The following DCAF16 variants were observed in gnomAD, a reference collection of about 807,000 sequenced individuals.
DCAF16 encodes DDB1- and CUL4-associated factor 16.
In DCAF16, 10 loss-of-function variants were observed where a neutral mutation model predicts 17.3. The observed-to-expected ratio is 0.58, with a 90% confidence interval of 0.36 to 0.98. The LOEUF (loss-of-function observed/expected upper bound fraction) is 0.98, where lower values mean the gene tolerates loss of function less well. Among genes scored for constraint, DCAF16 ranks in the 50% least tolerant of loss-of-function variants. DCAF16 has a pLI of 0.01. For synonymous variants in DCAF16, 111 were observed against 92.8 expected, an observed-to-expected ratio of 1.20 and a Z score of -1.12; for missense variants, 249 against 247.6, an observed-to-expected ratio of 1.01 and a Z score of -0.04.
downstream of DCAF16, among the ~76,000 whole-genome samples, chr4:17,795,826 T>C (rs962815553): frequency 1.3e-5 from 2 of 152,208 alleles, no homozygotes; most frequent in Non-Finnish European, 2.9e-5. Flanking sequence ...GAAAGCTGTA[T>C]ATGAAGGAGC....
rs1719788045 is a variant in DCAF16, at chr4:17,801,557, T to C, written c.*1934A>G. On this transcript the variant is annotated 3_prime_UTR_variant, in exon 3 of 3. Transcript: ENST00000382247. ...AATCTCTTTTCTGATTCCCTTTAGATGCCCAGTCAACCAGGACCACACACA... is the reference window on the plus strand; with the variant it reads ...AATCTCTTTTCTGATTCCCTTTAGACGCCCAGTCAACCAGGACCACACACA... The C allele has an allele frequency of 6.6e-6, 1 of 152,224 alleles. No homozygotes were observed. Among genetic ancestry groups the C allele is most frequent in the Non-Finnish European group, 1.5e-5 (1 of 68,030 alleles). The allele number at this position is 152,224 out of a possible 1,614,324, so 9.4% of individuals were successfully genotyped here.
chr4:17,798,606 A>AAAT (rs1009209118), downstream of DCAF16, among the ~76,000 whole-genome samples: 3 of 151,976 alleles, frequency 2.0e-5, no homozygotes, highest in Admixed American at 6.6e-5. Context: ...AAAAATAAAA[A>AAAT]AATAATAATA....
At position 17,803,286 on chromosome 4, in the gene DCAF16, A is replaced by G; in HGVS notation, c.*205T>C. On this transcript the variant is annotated 3_prime_UTR_variant, in exon 3 of 3. Coordinates refer to ENST00000382247, the MANE Select transcript of DCAF16 (RefSeq NM_017741.4). Reference sequence around the variant, plus strand: ...CAGATCCACCCGCCTCAGCCTCCCAAAGTGCTGGGATTACAGGTGTGAGCC... The same window carrying G: ...CAGATCCACCCGCCTCAGCCTCCCAGAGTGCTGGGATTACAGGTGTGAGCC... 1.8e-6 allele frequency: 1 copy of G among 558,876 alleles called. No individual in the cohort carries two copies. The highest frequency in any genetic ancestry group is 3.2e-6 in the Non-Finnish European group (1 of 315,764). 34.6% of individuals were successfully genotyped at this position (558,876 alleles called of 1,614,324 possible).
At chr4:17,806,166 G>A (rs1020743165) in intron 1 of DCAF16, among the ~76,000 whole-genome samples, 1 of 152,136 alleles carries the variant, frequency 6.6e-6, no homozygotes, top group African/African-American at 2.4e-5. Flanking sequence ...AACTATTAGA[G>A]TTCAACAATG....
downstream of DCAF16, among the ~76,000 whole-genome samples, chr4:17,797,958 T>C (rs1013501533): frequency 1.3e-5 from 2 of 152,206 alleles, no homozygotes; most frequent in Admixed American, 6.5e-5. Flanking sequence ...AATAAAACTA[T>C]AGTACCAGCT....
At chr4:17,808,872 T>A (rs563821098) in intron 1 of DCAF16, among the ~76,000 whole-genome samples, 1 of 152,030 alleles carries the variant, frequency 6.6e-6, no homozygotes, top group Non-Finnish European at 1.5e-5. Flanking sequence ...CTATTAAGAA[T>A]ACAAAAGATT....
In DCAF16 at chr4:17,804,352, G is replaced by C; in HGVS notation, c.-211C>G. On this transcript the variant is annotated 5_prime_UTR_variant, in exon 3 of 3. Coordinates refer to ENST00000382247, the MANE Select transcript of DCAF16 (RefSeq NM_017741.4). Reference sequence around the variant, plus strand: ...TTGTATATTCTTCACTTACAAAGAAGACATCTCAGTTTCCAGGACCAGTTC... The same window carrying C: ...TTGTATATTCTTCACTTACAAAGAACACATCTCAGTTTCCAGGACCAGTTC... The C allele has an allele frequency of 1.7e-6, 1 of 578,840 alleles. No individual in the cohort carries two copies. The highest frequency in any genetic ancestry group is 3.1e-6 in the Non-Finnish European group (1 of 318,456). The allele number at this position is 578,840 out of a possible 1,614,324, so 35.9% of individuals were successfully genotyped here. A position where few individuals can be genotyped will look rare whatever the true frequency, so the allele number is the denominator to read the frequency against.
At chr4:17,799,029 T>A (rs1041816774), downstream of DCAF16, among the ~76,000 whole-genome samples, 3 of 152,240 alleles carry the variant, frequency 2.0e-5, no homozygotes, top group African/African-American at 7.2e-5. Flanking sequence ...AAGTTATCCA[T>A]ACTTCTCAGG....
downstream of DCAF16, among the ~76,000 whole-genome samples, chr4:17,795,815 T>C (rs1262231704): frequency 1.3e-5 from 2 of 152,234 alleles, no homozygotes; most frequent in African/African-American, 4.8e-5. Context: ...TCCAAGTGAC[T>C]GAAAGCTGTA....
chr4:17,799,695 T>C (rs909545972), downstream of DCAF16, among the ~76,000 whole-genome samples: 2 of 152,174 alleles, frequency 1.3e-5, no homozygotes, highest in African/African-American at 4.8e-5. Flanking sequence ...ACAGGTGTGA[T>C]AGAAGACCCA....
chr4:17,796,076 TTCTAAG>T (rs1469804503), downstream of DCAF16, among the ~76,000 whole-genome samples: 2 of 152,214 alleles, frequency 1.3e-5, no homozygotes, highest in East Asian at 1.9e-4. Flanking sequence ...CTGTCCTCAG[TTCTAAG>T]TCTGTTTGGT....
At chr4:17,797,305 T>A (rs75818025), downstream of DCAF16, among the ~76,000 whole-genome samples, 603 of 152,306 alleles carry the variant, frequency 4.0e-3, 13 homozygotes, top group East Asian at 0.063. Flanking sequence ...TAACATAACT[T>A]TTTTTCTGGT....
intron 1 of DCAF16, among the ~76,000 whole-genome samples, chr4:17,807,052 T>C (rs1284554675): frequency 3.9e-5 from 6 of 152,158 alleles, no homozygotes; most frequent in African/African-American, 1.4e-4. Flanking sequence ...AGTAAAACCA[T>C]TTAATACATA....
chr4:17,797,817 A>C (rs1217345129), downstream of DCAF16, among the ~76,000 whole-genome samples: 4 of 152,152 alleles, frequency 2.6e-5, no homozygotes, highest in African/African-American at 9.7e-5. Flanking sequence ...CCATTGCTTA[A>C]TTAATTTATT....
Position 17,802,855 on chromosome 4 carries a change from G to A in DCAF16, c.*636C>T, listed in dbSNP as rs1271201921. On this transcript the variant is annotated 3_prime_UTR_variant, in exon 3 of 3. Transcript: ENST00000382247. The stretch of plus-strand genomic sequence containing the variant: ...AGCTAACTTCTTGCTTTCAACAATG[G>A]CTGTTCTAAAGTCTGGATAACAAAA... 6.6e-6 allele frequency: 1 copy of A among 152,214 alleles called. No individual in the cohort carries two copies. The highest frequency in any genetic ancestry group is 1.5e-5 in the Non-Finnish European group (1 of 68,116). 9.4% of individuals were successfully genotyped at this position (152,214 alleles called of 1,614,324 possible). A position where few individuals can be genotyped will look rare whatever the true frequency, so the allele number is the denominator to read the frequency against.
chr4:17,796,898 AATAT>A (rs1472239096), downstream of DCAF16, among the ~76,000 whole-genome samples: 1 of 152,102 alleles, frequency 6.6e-6, no homozygotes, highest in Non-Finnish European at 1.5e-5. Flanking sequence ...TAAATAAATA[AATAT>A]ATAAGAAATA....
chr4:17,807,941 G>A (rs1560215215), intron 1 of DCAF16, among the ~76,000 whole-genome samples: 1 of 152,042 alleles, frequency 6.6e-6, no homozygotes, highest in African/African-American at 2.4e-5. Flanking sequence ...CACACTCCTA[G>A]CACAGTGTCT....
chr4:17,806,883 G>T (rs746199964), intron 1 of DCAF16, among the ~76,000 whole-genome samples: 1 of 152,050 alleles, frequency 6.6e-6, no homozygotes, highest in Non-Finnish European at 1.5e-5. Context: ...TATAATTTGG[G>T]AATGTAATAT....
At chr4:17,797,629 T>G (rs1441628440), downstream of DCAF16, among the ~76,000 whole-genome samples, 1 of 152,136 alleles carries the variant, frequency 6.6e-6, no homozygotes, top group Admixed American at 6.5e-5. Context: ...GAAATTAGAG[T>G]TCTTCAGGTA....
Sources: gnomAD v4.1 joint callset for allele counts (sites outside exome capture counted in the v4.1 genomes callset) on GRCh38, gnomAD v4.1.1 for gene constraint, MANE v1.5 for transcripts, NCBI Gene and HGNC (gene_info 2026-07-23, HGNC 2026-07-21) for gene names.